Variants in LRRTM4 observed in about 807,000 individuals in gnomAD.
LRRTM4 encodes leucine rich repeat transmembrane neuronal 4.
In LRRTM4, 25 loss-of-function variants were observed where a neutral mutation model predicts 47.6. The ratio of observed to expected loss-of-function variants is 0.53; its 90% CI spans 0.38 to 0.73. LRRTM4 has a LOEUF of 0.73. Ranked by LOEUF, LRRTM4 falls within the 30% of genes least tolerant of loss-of-function variation. LRRTM4 has a pLI of 0.00. For missense variants in LRRTM4, 638 were observed against 713.4 expected (o/e 0.89, Z 1.20); for synonymous variants, 311 against 269.5 (o/e 1.15, Z -1.51).
intron 3 of LRRTM4, among the ~76,000 whole-genome samples, chr2:77,027,216 C>T (rs911464740): frequency 1.3e-5 from 2 of 152,072 alleles, no homozygotes; most frequent in Non-Finnish European, 2.9e-5. Context: ...CATGCCTCTT[C>T]ATACCAGAGG....
chr2:77,267,735 A>G (rs1676086290), intron 3 of LRRTM4, among the ~76,000 whole-genome samples: 1 of 144,084 alleles, frequency 6.9e-6, no homozygotes, highest in South Asian at 2.4e-4. Flanking sequence ...AAGTTCAAAA[A>G]TATCCTAGTT....
In LRRTM4 at chr2:77,046,001, T is replaced by A. The variant is rs556967621; in HGVS notation, c.1552-297085A>T. On this transcript the variant is annotated intron_variant, in intron 3 of 3. Transcript: ENST00000409884. The stretch of plus-strand genomic sequence containing the variant: ...ACAATTTCCTTCCTTTTTCTTTTAA[T>A]TATATTAACTTGCTAGAGAAACCAA... Among the ~76,000 whole-genome samples the A allele has an allele frequency of 2.0e-5, 3 of 152,104 alleles. No homozygotes were observed. The South Asian group carries it at 6.2e-4, about 32-fold the overall frequency.
At chr2:77,191,844 C>T (rs1673676981) in intron 3 of LRRTM4, among the ~76,000 whole-genome samples, 1 of 151,924 alleles carries the variant, frequency 6.6e-6, no homozygotes, top group South Asian at 2.1e-4. Flanking sequence ...CTTAGGTAAA[C>T]ATAACTTTTT....
intron 3 of LRRTM4, among the ~76,000 whole-genome samples, chr2:76,949,998 T>C (rs1390461169): frequency 6.6e-6 from 1 of 151,774 alleles, no homozygotes; most frequent in Non-Finnish European, 1.5e-5. Flanking sequence ...TGAAAAGTAA[T>C]AAGACAACAG....
At chr2:77,207,340 C>CATATATATATATATATATATAT (rs1285500508) in intron 3 of LRRTM4, among the ~76,000 whole-genome samples, 1 of 90,024 alleles carries the variant, frequency 1.1e-5, no homozygotes, top group African/African-American at 6.7e-5. Context: ...TTCCTAATTT[C>CATATATATATATATATATATAT]ATATATGTGT....
Position 76,969,801 on chromosome 2 carries a change from C to T in LRRTM4, c.1552-220885G>A, listed in dbSNP as rs114904092. On this transcript the variant is annotated intron_variant, in intron 3 of 3. Coordinates refer to ENST00000409884, the MANE Select transcript of LRRTM4 (RefSeq NM_001134745.3). ...CCAATGTTATCTTCATTAAACCTCA[C>T]AACCAACACAAGAGTTGGCAATGCT... Among the ~76,000 whole-genome samples the T allele has an allele frequency of 3.1e-3, 469 of 152,060 alleles. 2 individuals are homozygous for T. The highest frequency in any genetic ancestry group is 0.011 in the African/African-American group (448 of 41,536).
chr2:76,973,269 G>A (rs182551549), intron 3 of LRRTM4, among the ~76,000 whole-genome samples: 23 of 152,034 alleles, frequency 1.5e-4, no homozygotes, highest in Non-Finnish European at 2.8e-4. Flanking sequence ...TCCAGGTCAT[G>A]CTACAGGCAA....
At chr2:77,223,715 C>A (rs1201391400) in intron 3 of LRRTM4, among the ~76,000 whole-genome samples, 1 of 152,100 alleles carries the variant, frequency 6.6e-6, no homozygotes, top group East Asian at 1.9e-4. Flanking sequence ...AAAGAGGATA[C>A]AAACAAATGG....
chr2:77,024,156 G>A (rs899484199), intron 3 of LRRTM4, among the ~76,000 whole-genome samples: 1 of 152,140 alleles, frequency 6.6e-6, no homozygotes, highest in Non-Finnish European at 1.5e-5. Context: ...AACCACTCCT[G>A]TGATTCAAAT....
At chr2:77,002,304 G>A (rs1573434199) in intron 3 of LRRTM4, among the ~76,000 whole-genome samples, 1 of 152,090 alleles carries the variant, frequency 6.6e-6, no homozygotes, top group Non-Finnish European at 1.5e-5. Flanking sequence ...GTCCTACCCA[G>A]ATTTCTAAAA....
intron 3 of LRRTM4, among the ~76,000 whole-genome samples, chr2:77,426,192 T>C (rs56400558): frequency 0.011 from 1,657 of 152,058 alleles, 29 homozygotes; most frequent in African/African-American, 0.038. Flanking sequence ...TTCTCTTGAA[T>C]CTACTTGTTA....
chr2:76,908,206 T>A (rs1299911476), intron 3 of LRRTM4, among the ~76,000 whole-genome samples: 12 of 151,146 alleles, frequency 7.9e-5, no homozygotes, highest in African/African-American at 2.4e-4. Flanking sequence ...AATCAATAAA[T>A]GTAATCCAGC....
intron 3 of LRRTM4, among the ~76,000 whole-genome samples, chr2:77,295,806 GC>G (rs141326755): frequency 0.029 from 4,353 of 152,082 alleles, 202 homozygotes; most frequent in African/African-American, 0.1. Context: ...TTAGATGAGG[GC>G]CCACTCTAAT....
intron 3 of LRRTM4, among the ~76,000 whole-genome samples, chr2:77,042,677 G>C (rs1428478524): frequency 6.6e-6 from 1 of 150,990 alleles, no homozygotes; most frequent in Non-Finnish European, 1.5e-5. Flanking sequence ...ATGATGATAA[G>C]TAAATTATGT....
At chr2:76,851,538 C>A (rs189938750) in intron 3 of LRRTM4, among the ~76,000 whole-genome samples, 26 of 151,940 alleles carry the variant, frequency 1.7e-4, no homozygotes, top group Admixed American at 7.9e-4. Context: ...CTAGACCCAA[C>A]GAGAAGGAAG....
intron 3 of LRRTM4, among the ~76,000 whole-genome samples, chr2:77,087,621 G>A (rs546044816): frequency 6.6e-6 from 1 of 152,266 alleles, no homozygotes; most frequent in South Asian, 2.1e-4. Context: ...CACCATCAGT[G>A]AGAATTATCA....
At chr2:77,264,498 T>C (rs1473708586) in intron 3 of LRRTM4, among the ~76,000 whole-genome samples, 1 of 152,194 alleles carries the variant, frequency 6.6e-6, no homozygotes. Context: ...GGTTAGGGCT[T>C]CAACTTACAC....
At chr2:77,337,954 T>C (rs531393953) in intron 3 of LRRTM4, among the ~76,000 whole-genome samples, 1 of 152,286 alleles carries the variant, frequency 6.6e-6, no homozygotes, top group East Asian at 1.9e-4. Flanking sequence ...TACAGCCATC[T>C]GATCTTCAAC....
At chr2:76,979,760 TGTGA>T (rs1338894867) in intron 3 of LRRTM4, among the ~76,000 whole-genome samples, 2 of 146,620 alleles carry the variant, frequency 1.4e-5, no homozygotes, top group Non-Finnish European at 3.0e-5. Flanking sequence ...TACTTGAAGA[TGTGA>T]GTATTTGAAG....
Sources: allele counts gnomAD v4.1 joint callset (sites outside exome capture counted in the v4.1 genomes callset), GRCh38; gene constraint gnomAD v4.1.1; transcripts MANE v1.5; gene names NCBI Gene and HGNC (gene_info 2026-07-23, HGNC 2026-07-21).